The following OSBP2 variants were observed in gnomAD, a reference collection of about 807,000 sequenced individuals.
The protein encoded by OSBP2 is oxysterol-binding protein 2.
Under a neutral mutation model 96.0 loss-of-function variants are expected in OSBP2, and 66 were observed. That is an observed-to-expected ratio of 0.69 (90% CI 0.56 to 0.84). The LOEUF is 0.84. Ranked by LOEUF, OSBP2 falls within the 40% of genes least tolerant of loss-of-function variation. The probability of loss-of-function intolerance (pLI) is 0.00; values close to 1 mark genes in which losing one functional copy is unlikely to be tolerated. For synonymous variants in OSBP2, 525 were observed against 520.9 expected (o/e 1.01, Z -0.11); for missense variants, 1,038 against 1,222.7 (o/e 0.85, Z 2.25).
intron 2 of OSBP2, among the ~76,000 whole-genome samples, chr22:30,866,008 G>A (rs1455584566): frequency 6.6e-6 from 1 of 152,206 alleles, no homozygotes; most frequent in Non-Finnish European, 1.5e-5. Flanking sequence ...ATCCAGGGAC[G>A]AGTCCCGGGC....
Position 30,819,181 on chromosome 22 carries a change from G to A in OSBP2, c.854-51248G>A, listed in dbSNP as rs539421737. The stretch of plus-strand genomic sequence containing the variant: ...GAAACTCTGTTTCTACTAAAACTAC[G>A]AAAATTAGCTGGGCGTGGTGGTGCA... On this transcript the variant is annotated intron_variant, in intron 2 of 13. Coordinates refer to ENST00000332585, the MANE Select transcript of OSBP2 (RefSeq NM_030758.4). Among the ~76,000 whole-genome samples, 633 of 152,280 alleles carry A rather than the reference G, an allele frequency of 4.2e-3. 4 individuals carry two copies. Among genetic ancestry groups the A allele is most frequent in the African/African-American group, 0.013 (554 of 41,554 alleles).
intron 2 of OSBP2, among the ~76,000 whole-genome samples, chr22:30,806,554 C>T (rs1010785742): frequency 6.6e-6 from 1 of 152,148 alleles, no homozygotes; most frequent in African/African-American, 2.4e-5. Context: ...GCCAACCTCT[C>T]ATAATATGAA....
chr22:30,835,718 CTTTTTT>C (rs538763182), intron 2 of OSBP2, among the ~76,000 whole-genome samples: 1 of 132,120 alleles, frequency 7.6e-6, no homozygotes, highest in African/African-American at 2.8e-5. Context: ...TATGTAGTTA[CTTTTTT>C]TTTTTTTTTT....
chr22:30,812,230 A>G (rs2091018233), intron 2 of OSBP2, among the ~76,000 whole-genome samples: 1 of 152,040 alleles, frequency 6.6e-6, no homozygotes, highest in Non-Finnish European at 1.5e-5. Context: ...CAGTAGCGCA[A>G]TCTCAGCTCA....
At position 30,695,177 on chromosome 22, in the gene OSBP2, C is replaced by T. The variant is rs200580022; in HGVS notation, c.268C>T (p.Pro90Ser). 2.7e-4 allele frequency: 440 copies of T among 1,611,878 alleles called. 1 individual carries two copies. The highest frequency in any genetic ancestry group is 3.0e-4 in the Admixed American group (18 of 59,864). Reference sequence around the variant, plus strand: ...ACCTGTGTCCGAGACGACGTCTGAGCCGGAGCCAGGGGCTGGGCAGCCATC... The same window carrying T: ...ACCTGTGTCCGAGACGACGTCTGAGTCGGAGCCAGGGGCTGGGCAGCCATC... ...SEPVSETTSE[P>S]EPGAGQPSEL... Residue 90 changes from proline to serine, a missense_variant, in exon 1 of 14, where the codon CCG (proline) becomes TCG (serine). Coordinates refer to ENST00000332585, the MANE Select transcript of OSBP2 (RefSeq NM_030758.4).
chr22:30,763,868 C>T (rs2090237146), intron 2 of OSBP2, among the ~76,000 whole-genome samples: 1 of 152,270 alleles, frequency 6.6e-6, no homozygotes, highest in South Asian at 2.1e-4. Context: ...GGTCTCTGCT[C>T]CCAACTCCCT....
At chr22:30,874,538 T>C (rs1378477939) in intron 3 of OSBP2, among the ~76,000 whole-genome samples, 1 of 150,718 alleles carries the variant, frequency 6.6e-6, no homozygotes, top group Admixed American at 6.6e-5. Context: ...GGGAGGGGGG[T>C]CCTCTGGATG....
chr22:30,870,171 G>C lies in OSBP2; in HGVS notation c.854-258G>C, dbSNP rs770562758. Among the ~76,000 whole-genome samples, 6 of 152,142 alleles carry C rather than the reference G, an allele frequency of 3.9e-5. No homozygotes were observed. The highest frequency in any genetic ancestry group is 8.8e-5 in the Non-Finnish European group (6 of 68,028). On this transcript the variant is annotated intron_variant, in intron 2 of 13. Transcript: ENST00000332585. The surrounding 1 kb of genome is among the most constrained non-coding windows in gnomAD (Gnocchi z 4.1). ...CCTGCCGCCTCCAAAGCCCAGTCCC[G>C]GCCCTGCCATTCAATCTGGGCTCTC...
rs765653023 is a variant in OSBP2, at chr22:30,695,287, G to A, written c.378G>A (p.Pro126=). The change falls in exon 1 of 14, where the codon CCG becomes CCA. Residue 126 remains proline, a synonymous_variant. Transcript: ENST00000332585. ...CCTTCACTAAGGCCGCATCGGAGCC[G>A]CTCTCCCGGGCGGTGGGGAGCGCGA... is the stretch of plus-strand genomic sequence containing the variant. ...AGPFTKAASE[P]LSRAVGSATF... is the part of the protein sequence containing the mutation. The A allele has an allele frequency of 9.3e-6, 15 of 1,613,276 alleles. No homozygotes were observed. The highest frequency in any genetic ancestry group is 1.3e-5 in the Non-Finnish European group (15 of 1,180,006).
At position 30,881,385 on chromosome 22, in the gene OSBP2, A is replaced by G. The variant is rs1348353329; in HGVS notation, c.1108-6041A>G. On this transcript the variant is annotated intron_variant, in intron 3 of 13. Coordinates refer to ENST00000332585, the MANE Select transcript of OSBP2 (RefSeq NM_030758.4). This position sits in a 1 kb window ranked among gnomAD's most constrained non-coding sequence, Gnocchi z 4.5. ...GGTAGCACCCATGCAGGGCCCAGGT[A>G]CCACCTCCAGCTCCCACTAGGACCC... Among the ~76,000 whole-genome samples the G allele has an allele frequency of 1.3e-5, 2 of 152,106 alleles. No homozygotes were observed. Among genetic ancestry groups the G allele is most frequent in the Admixed American group, 6.5e-5 (1 of 15,282 alleles).
chr22:30,762,591 T>G (rs1267245942), intron 2 of OSBP2, among the ~76,000 whole-genome samples: 3 of 152,214 alleles, frequency 2.0e-5, no homozygotes, highest in African/African-American at 7.2e-5. Flanking sequence ...TGGCTCCTCT[T>G]GCGCTCTAGA....
intron 1 of OSBP2, among the ~76,000 whole-genome samples, chr22:30,727,121 T>C (rs2089664486): frequency 6.6e-6 from 1 of 152,212 alleles, no homozygotes; most frequent in African/African-American, 2.4e-5. Flanking sequence ...GTACCATCTC[T>C]ACTTTTCCAT....
chr22:30,774,097 A>G (rs1220332431), intron 2 of OSBP2, among the ~76,000 whole-genome samples: 1 of 152,140 alleles, frequency 6.6e-6, no homozygotes, highest in Non-Finnish European at 1.5e-5. Flanking sequence ...CTGACCACCA[A>G]TGAGAGGTGG....
chr22:30,815,993 A>AAG (rs1370567525), intron 2 of OSBP2, among the ~76,000 whole-genome samples: 6 of 152,230 alleles, frequency 3.9e-5, no homozygotes, highest in African/African-American at 1.4e-4. Flanking sequence ...TAAGGGCTGC[A>AAG]GCAGCATCAC....
At chr22:30,866,281 G>A (rs1169303404) in intron 2 of OSBP2, among the ~76,000 whole-genome samples, 5 of 152,206 alleles carry the variant, frequency 3.3e-5, no homozygotes, top group Non-Finnish European at 7.3e-5. Context: ...CCTCTTTGCT[G>A]GCTTTGAAGA....
intron 1 of OSBP2, among the ~76,000 whole-genome samples, chr22:30,727,983 T>C (rs1410920606): frequency 6.6e-6 from 1 of 151,800 alleles, no homozygotes; most frequent in Non-Finnish European, 1.5e-5. Context: ...TGCGTGTCTG[T>C]AGTCCTAGCT....
In OSBP2 at chr22:30,897,945, G is replaced by A. The variant is rs55671485; in HGVS notation, c.2375+3944G>A. ...AGGCTGGGTGACAGAGTGAGACTCC[G>A]TCTCAGGAAAAAAAAAAAAAAAAAG... On this transcript the variant is annotated intron_variant, in intron 12 of 13. Coordinates refer to ENST00000332585, the MANE Select transcript of OSBP2 (RefSeq NM_030758.4). Among the ~76,000 whole-genome samples the A allele has an allele frequency of 1.5e-3, 216 of 143,048 alleles. 3 individuals carry two copies. Among genetic ancestry groups the A allele is most frequent in the South Asian group, 0.015 (69 of 4,620 alleles). 93.8% of individuals were successfully genotyped at this position (143,048 alleles called of 152,430 possible). A position where few individuals can be genotyped will look rare whatever the true frequency, so the allele number is the denominator to read the frequency against.
At chr22:30,800,093 A>G (rs183545660) in intron 2 of OSBP2, among the ~76,000 whole-genome samples, 9 of 152,182 alleles carry the variant, frequency 5.9e-5, no homozygotes, top group Non-Finnish European at 1.3e-4. Context: ...AATTAGACAA[A>G]ATTCCAAAGC....
Position 30,890,668 on chromosome 22 carries a change from A to C in OSBP2, c.1624-60A>C. 6.3e-7 allele frequency: 1 copy of C among 1,589,816 alleles called. No homozygotes were observed. The highest frequency in any genetic ancestry group is 1.1e-5 in the South Asian group (1 of 90,440). On this transcript the variant is annotated intron_variant, in intron 7 of 13. Coordinates refer to ENST00000332585, the MANE Select transcript of OSBP2 (RefSeq NM_030758.4). The surrounding 1 kb of genome is among the most constrained non-coding windows in gnomAD (Gnocchi z 4.4). ...TGTCCCTGAACATCCGAGAAAAGCA[A>C]GGGCACCATGCCAAGCCGGGGCTGG...
Sources: allele counts gnomAD v4.1 joint callset (sites outside exome capture counted in the v4.1 genomes callset), GRCh38; gene constraint gnomAD v4.1.1; non-coding constraint Gnocchi (gnomAD v3.1); transcripts MANE v1.5; gene names NCBI Gene and HGNC (gene_info 2026-07-23, HGNC 2026-07-21).